PCDH15: variants seen among roughly 807,000 people sequenced by gnomAD.
PCDH15 encodes protocadherin related 15, also known as protocadherin-15.
Under a neutral mutation model 178.5 loss-of-function variants are expected in PCDH15, and 129 were observed. That is an observed-to-expected ratio of 0.72 (90% CI 0.63 to 0.84). PCDH15 has a LOEUF of 0.84. Ranked by LOEUF, PCDH15 falls within the 40% of genes least tolerant of loss-of-function variation. PCDH15 has a pLI of 0.00. For synonymous variants in PCDH15, 800 were observed against 732.0 expected (o/e 1.09, Z -1.50); for missense variants, 2,230 against 2,099.9 (o/e 1.06, Z -1.21).
At chr10:54,510,237 CA>C (rs1174203965) in intron 3 of PCDH15, among the ~76,000 whole-genome samples, 14 of 152,150 alleles carry the variant, frequency 9.2e-5, no homozygotes, top group African/African-American at 3.4e-4. Context: ...CCCTTGACAT[CA>C]GCAGAACTTT....
chr10:54,555,376 A>G (rs1430495630), intron 2 of PCDH15, among the ~76,000 whole-genome samples: 1 of 152,104 alleles, frequency 6.6e-6, no homozygotes, highest in Non-Finnish European at 1.5e-5. Flanking sequence ...GGGATTTCCT[A>G]TGTAAACAGA....
At chr10:55,514,966 T>TATAG (rs200628986) in intron 2 of PCDH15, among the ~76,000 whole-genome samples, 93 of 149,746 alleles carry the variant, frequency 6.2e-4, no homozygotes, top group East Asian at 3.0e-3. Flanking sequence ...GCAAAATATA[T>TATAG]ATAGATAGAT....
chr10:54,368,806 C>A (rs1483085089), intron 5 of PCDH15, among the ~76,000 whole-genome samples: 1 of 151,532 alleles, frequency 6.6e-6, no homozygotes, highest in East Asian at 1.9e-4. Flanking sequence ...TAGATAAATG[C>A]CTTAGGATAA....
chr10:54,796,505 CTG>C (rs1952030050), intron 1 of PCDH15, among the ~76,000 whole-genome samples: 1 of 151,650 alleles, frequency 6.6e-6, no homozygotes, highest in Non-Finnish European at 1.5e-5. Flanking sequence ...CTGTCTATTT[CTG>C]TCTTTCTTGA....
rs560942576 is a variant in PCDH15 at position 54,242,637 on chromosome 10, G to T, written c.877-5706C>A. Among the ~76,000 whole-genome samples the T allele has an allele frequency of 7.4e-4, 112 of 152,190 alleles. 1 individual carries two copies. The highest frequency in any genetic ancestry group is 3.4e-3 in the Middle Eastern group (1 of 294). On this transcript the variant is annotated intron_variant, in intron 8 of 37. Transcript: ENST00000644397. ...AAACTTAAAAAAATGACATTTCGCA[G>T]ACTGATTATTAAAGCTTCCAGCCTT...
chr10:54,990,097 C>A (rs1294979431), intron 2 of PCDH15, among the ~76,000 whole-genome samples: 1 of 152,194 alleles, frequency 6.6e-6, no homozygotes, highest in African/African-American at 2.4e-5. Flanking sequence ...CTCCATTAAA[C>A]CTCGTTCCTT....
At chr10:53,991,492 A>G (rs903657581) in intron 21 of PCDH15, among the ~76,000 whole-genome samples, 45 of 151,986 alleles carry the variant, frequency 3.0e-4, no homozygotes, top group African/African-American at 8.2e-4. Flanking sequence ...TAAATGCACC[A>G]ATCAGCACCC....
intron 2 of PCDH15, among the ~76,000 whole-genome samples, chr10:55,344,040 T>C (rs979765348): frequency 1.3e-5 from 2 of 151,898 alleles, no homozygotes; most frequent in Admixed American, 1.3e-4. Context: ...ATTGGAGAGG[T>C]AGTATTTGAA....
chr10:54,197,980 C>G (rs7914660), intron 10 of PCDH15, among the ~76,000 whole-genome samples: 34,084 of 152,006 alleles, frequency 0.22, 5,762 homozygotes, highest in African/African-American at 0.48. Context: ...AGTAATATTA[C>G]ATAGTTTACC....
At chr10:54,682,424 T>C (rs1291039321) in intron 1 of PCDH15, among the ~76,000 whole-genome samples, 1 of 152,134 alleles carries the variant, frequency 6.6e-6, no homozygotes, top group South Asian at 2.1e-4. Context: ...ACTATGTATC[T>C]AGGACTATGG....
In PCDH15 at chr10:54,240,670, T is replaced by C. The variant is rs568998374; in HGVS notation, c.877-3739A>G. ...TTTTTGAGACAGAGTATCGCTCTGT[T>C]GCCCAGGCTGGAGTGCAGTGGCGCG... On this transcript the variant is annotated intron_variant, in intron 8 of 37. Transcript: ENST00000644397. Among the ~76,000 whole-genome samples, 22 of 148,000 alleles carry C rather than the reference T, an allele frequency of 1.5e-4. No individual in the cohort carries two copies. In the South Asian group the frequency reaches 2.9e-3, roughly 19 times the overall value.
intron 8 of PCDH15, among the ~76,000 whole-genome samples, chr10:54,287,702 T>G (rs543668404): frequency 6.6e-6 from 1 of 152,216 alleles, no homozygotes; most frequent in East Asian, 1.9e-4. Context: ...CTGTTTAATA[T>G]TCATGCAATT....
intron 1 of PCDH15, among the ~76,000 whole-genome samples, chr10:54,786,040 T>A (rs1037094475): frequency 6.6e-6 from 1 of 152,052 alleles, no homozygotes; most frequent in African/African-American, 2.4e-5. Context: ...ACTTATGATA[T>A]AATATGCACT....
chr10:54,239,795 A>G (rs1319348774), intron 8 of PCDH15, among the ~76,000 whole-genome samples: 17 of 152,064 alleles, frequency 1.1e-4, no homozygotes, highest in African/African-American at 4.1e-4. Context: ...ATTTTACAAT[A>G]TTTATTTTTC....
At chr10:54,420,109 A>G (rs1955031410) in intron 3 of PCDH15, among the ~76,000 whole-genome samples, 1 of 152,150 alleles carries the variant, frequency 6.6e-6, no homozygotes, top group Non-Finnish European at 1.5e-5. Context: ...GCAAATAGAA[A>G]GTGGTAGATG....
chr10:54,493,568 T>A (rs2079814860), intron 3 of PCDH15, among the ~76,000 whole-genome samples: 1 of 151,704 alleles, frequency 6.6e-6, no homozygotes, highest in African/African-American at 2.4e-5. Flanking sequence ...GAGTGGGAGA[T>A]GACAATCTTA....
At chr10:54,004,157 A>G (rs1423357684) in intron 20 of PCDH15, among the ~76,000 whole-genome samples, 2 of 152,084 alleles carry the variant, frequency 1.3e-5, no homozygotes, top group African/African-American at 4.8e-5. Context: ...AAAGTGATAT[A>G]TGACAAACCC....
At chr10:55,070,053 T>A (rs896710268) in intron 2 of PCDH15, among the ~76,000 whole-genome samples, 1 of 151,706 alleles carries the variant, frequency 6.6e-6, no homozygotes, top group Admixed American at 6.6e-5. Context: ...TTTTCATGTG[T>A]TTTTTGGCTG....
At chr10:54,311,082 A>T (rs1169817848) in intron 8 of PCDH15, among the ~76,000 whole-genome samples, 1 of 152,076 alleles carries the variant, frequency 6.6e-6, no homozygotes, top group Non-Finnish European at 1.5e-5. Context: ...TTTTGACATG[A>T]AAGCTAGATT....
Sources: gnomAD v4.1 joint callset for allele counts (sites outside exome capture counted in the v4.1 genomes callset) on GRCh38, gnomAD v4.1.1 for gene constraint, MANE v1.5 for transcripts, NCBI Gene and HGNC (gene_info 2026-07-23, HGNC 2026-07-21) for gene names.